PDIA5: variants seen among roughly 807,000 people sequenced by gnomAD.
PDIA5 encodes protein disulfide isomerase family A member 5.
Under a neutral mutation model 77.6 loss-of-function variants are expected in PDIA5, and 58 were observed. That is an observed-to-expected ratio of 0.75 (90% confidence interval 0.61 to 0.93). The LOEUF (loss-of-function observed/expected upper bound fraction) is 0.93, where lower values mean the gene tolerates loss of function less well. Among genes scored for constraint, PDIA5 ranks in the 40% least tolerant of loss-of-function variants. PDIA5 has a pLI of 0.00. For missense variants in PDIA5, 630 were observed against 647.7 expected, an observed-to-expected ratio of 0.97 and a Z score of 0.30; for synonymous variants, 250 against 252.1, an observed-to-expected ratio of 0.99 and a Z score of 0.08.
chr3:123,140,761 G>A (rs547721186), intron 11 of PDIA5, among the ~76,000 whole-genome samples: 1 of 152,222 alleles, frequency 6.6e-6, no homozygotes, highest in Non-Finnish European at 1.5e-5. Flanking sequence ...TGGAAGCCCA[G>A]CACAGACAGC....
intron 14 of PDIA5, among the ~76,000 whole-genome samples, chr3:123,154,571 G>A (rs995555010): frequency 6.6e-6 from 1 of 152,096 alleles, no homozygotes; most frequent in Non-Finnish European, 1.5e-5. Context: ...AGGAAATGGA[G>A]AGATTTGCTA....
chr3:123,096,035 G>T (rs937435083), intron 3 of PDIA5, among the ~76,000 whole-genome samples: 8 of 152,064 alleles, frequency 5.3e-5, no homozygotes, highest in African/African-American at 1.2e-4. Flanking sequence ...TAGTCTTTCA[G>T]GGGGGTCTTT....
chr3:123,082,161 C>T (rs1934028856), intron 1 of PDIA5, among the ~76,000 whole-genome samples: 1 of 152,158 alleles, frequency 6.6e-6, no homozygotes, highest in South Asian at 2.1e-4. Flanking sequence ...CCTCCTTGCC[C>T]TGGGATTCTG....
intron 7 of PDIA5, among the ~76,000 whole-genome samples, chr3:123,115,351 G>C (rs981414733): frequency 5.3e-5 from 8 of 152,178 alleles, no homozygotes; most frequent in Admixed American, 2.6e-4. Context: ...AGTTTTAGTG[G>C]ATGTTTGGGA....
At chr3:123,091,352 A>G (rs186235604) in intron 2 of PDIA5, among the ~76,000 whole-genome samples, 2 of 152,220 alleles carry the variant, frequency 1.3e-5, no homozygotes, top group Admixed American at 1.3e-4. Context: ...GATGTATCAT[A>G]TGGTTTTTGG....
At chr3:123,125,435 G>T (rs534026583) in intron 10 of PDIA5, among the ~76,000 whole-genome samples, 1 of 152,220 alleles carries the variant, frequency 6.6e-6, no homozygotes, top group South Asian at 2.1e-4. Context: ...GCCCTGATGG[G>T]TCCCCGCCAC....
intron 11 of PDIA5, among the ~76,000 whole-genome samples, chr3:123,141,587 A>C (rs1165195547): frequency 6.6e-6 from 1 of 152,122 alleles, no homozygotes; most frequent in East Asian, 1.9e-4. Flanking sequence ...CAGTCAGGGG[A>C]GGTCAGCCTG....
chr3:123,146,527 C>A (rs1367526252), intron 13 of PDIA5, among the ~76,000 whole-genome samples: 2 of 152,168 alleles, frequency 1.3e-5, no homozygotes, highest in Non-Finnish European at 2.9e-5. Flanking sequence ...CCTCCTTAGG[C>A]CCAGATCTTA....
chr3:123,159,357 A>G (rs894172152), intron 15 of PDIA5, among the ~76,000 whole-genome samples: 1 of 152,142 alleles, frequency 6.6e-6, no homozygotes, highest in African/African-American at 2.4e-5. Context: ...TTTTTAAATA[A>G]TAAAGTGCGT....
At chr3:123,151,525 C>T (rs1051310137) in intron 14 of PDIA5, among the ~76,000 whole-genome samples, 6 of 152,228 alleles carry the variant, frequency 3.9e-5, no homozygotes, top group Admixed American at 2.0e-4. Flanking sequence ...CTTGACCAGA[C>T]GAAATACTTT....
intron 6 of PDIA5, among the ~76,000 whole-genome samples, chr3:123,109,794 T>C (rs1464483767): frequency 6.6e-6 from 1 of 152,212 alleles, no homozygotes; most frequent in Non-Finnish European, 1.5e-5. Context: ...ATGTTTTTAC[T>C]CACAAAGATG....
Position 123,106,783 on chromosome 3 carries a change from C to T in PDIA5, c.422C>T (p.Pro141Leu). The change falls in exon 6 of 17, where the codon CCC (proline) becomes CTC (leucine). Residue 141 changes from proline (P) to leucine (L), a missense_variant. Coordinates refer to ENST00000316218, the MANE Select transcript of PDIA5 (RefSeq NM_006810.4). The part of the protein sequence containing the change: ...IVAFLKDPKG[P>L]PLWEEDPGAK... The stretch of plus-strand genomic sequence containing the variant: ...GCCTTTTTGAAGGATCCAAAAGGGC[C>T]CCCACTGTGGGAGGAAGATCCTGGA... 1 of 1,612,854 alleles carries T rather than the reference C, an allele frequency of 6.2e-7. No individual in the cohort carries two copies. Among genetic ancestry groups the T allele is most frequent in the Non-Finnish European group, 8.5e-7 (1 of 1,179,566 alleles).
intron 11 of PDIA5, among the ~76,000 whole-genome samples, chr3:123,134,318 G>A (rs1160610500): frequency 1.3e-5 from 2 of 152,204 alleles, no homozygotes; most frequent in African/African-American, 2.4e-5. Flanking sequence ...AGAAAGGCCA[G>A]GAAGGGAAAG....
Position 123,161,463 on chromosome 3 carries a change from G to C in PDIA5, c.1479+8G>C. On this transcript the variant is annotated splice_region_variant and intron_variant, in intron 16 of 16. Coordinates refer to ENST00000316218, the MANE Select transcript of PDIA5 (RefSeq NM_006810.4). ...TATGACAGCGACCGCACAGTAAGTG[G>C]GGGAGAGGCGTCTGCCCAGAGCTCT... 1 of 1,612,840 alleles carries C rather than the reference G, an allele frequency of 6.2e-7. No individual in the cohort carries two copies. Among genetic ancestry groups the C allele is most frequent in the Non-Finnish European group, 8.5e-7 (1 of 1,179,508 alleles).
chr3:123,072,463 G>A (rs1452583719), intron 1 of PDIA5, among the ~76,000 whole-genome samples: 1 of 152,192 alleles, frequency 6.6e-6, no homozygotes, highest in Non-Finnish European at 1.5e-5. Flanking sequence ...GAGGAGGTGG[G>A]CAAGGAAGGG....
intron 3 of PDIA5, among the ~76,000 whole-genome samples, chr3:123,099,986 G>C (rs567776763): frequency 1.3e-5 from 2 of 152,252 alleles, no homozygotes; most frequent in Non-Finnish European, 2.9e-5. Flanking sequence ...CAAGCCCTTC[G>C]CAGCTGCTGG....
At chr3:123,149,000 C>A (rs1272711556) in intron 13 of PDIA5, among the ~76,000 whole-genome samples, 2 of 152,150 alleles carry the variant, frequency 1.3e-5, no homozygotes, top group Non-Finnish European at 2.9e-5. Context: ...CCTGGGGAGG[C>A]AGTGTTCAGG....
chr3:123,118,692 G>A (rs756465226), intron 8 of PDIA5, among the ~76,000 whole-genome samples: 23 of 152,122 alleles, frequency 1.5e-4, no homozygotes, highest in Non-Finnish European at 2.4e-4. Context: ...GAGTTTCTTG[G>A]GCACAGGAGT....
At chr3:123,140,842 G>A (rs562811698) in intron 11 of PDIA5, among the ~76,000 whole-genome samples, 34 of 152,322 alleles carry the variant, frequency 2.2e-4, no homozygotes, top group South Asian at 8.3e-4. Flanking sequence ...CCATGTGTGC[G>A]AGCTGCGGAA....
Sources: gnomAD v4.1 joint callset for allele counts (sites outside exome capture counted in the v4.1 genomes callset) on GRCh38, gnomAD v4.1.1 for gene constraint, MANE v1.5 for transcripts, NCBI Gene and HGNC (gene_info 2026-07-23, HGNC 2026-07-21) for gene names.